The following MBNL1 variants were observed in gnomAD, a reference collection of about 807,000 sequenced individuals.
The protein encoded by MBNL1 is muscleblind like splicing regulator 1.
In MBNL1, 8 loss-of-function variants were observed where a neutral mutation model predicts 42.2. The observed-to-expected ratio is 0.19, with a 90% CI of 0.11 to 0.34. MBNL1 has a LOEUF of 0.34. Among genes scored for constraint, MBNL1 ranks in the 10% least tolerant of loss-of-function variants. The pLI, the probability that MBNL1 is intolerant of heterozygous loss-of-function variation, is 1.00. For synonymous variants in MBNL1, 169 were observed against 173.9 expected (o/e 0.97, Z 0.22); for missense variants, 309 against 495.3 (o/e 0.62, Z 3.57).
chr3:152,358,109 T>G (rs1431334950), intron 2 of MBNL1, among the ~76,000 whole-genome samples: 1 of 152,188 alleles, frequency 6.6e-6, no homozygotes, highest in Non-Finnish European at 1.5e-5. Context: ...TTAATTTTAG[T>G]CTTCTAAATT....
At chr3:152,280,166 A>C (rs1011459221) in intron 1 of MBNL1, among the ~76,000 whole-genome samples, 3 of 152,146 alleles carry the variant, frequency 2.0e-5, no homozygotes, top group Admixed American at 2.0e-4. Context: ...AAAAGAGGTA[A>C]GATGTGCCTG....
At position 152,299,739 on chromosome 3, in the gene MBNL1, A is replaced by G. The variant is rs546221446; in HGVS notation, c.-455A>G. ...TGCCAAACTAATCAATACCGATTGCACCACCAAACTCCATTGCAAATTCAG... is the reference window on the plus strand; with the variant it reads ...TGCCAAACTAATCAATACCGATTGCGCCACCAAACTCCATTGCAAATTCAG... On this transcript the variant is annotated 5_prime_UTR_variant, in exon 2 of 10. Coordinates refer to ENST00000324210, the MANE Select transcript of MBNL1 (RefSeq NM_021038.5). 2.8e-5 allele frequency: 11 copies of G among 399,768 alleles called. No individual in the cohort carries two copies. Among genetic ancestry groups the G allele is most frequent in the Admixed American group, 4.4e-5 (1 of 22,820 alleles). 24.8% of individuals were successfully genotyped at this position (399,768 alleles called of 1,614,324 possible).
chr3:152,287,573 G>T (rs1006054793), intron 1 of MBNL1, among the ~76,000 whole-genome samples: 2 of 152,248 alleles, frequency 1.3e-5, no homozygotes, highest in African/African-American at 4.8e-5. Context: ...TCCTCAGTAG[G>T]TCTAGGGTAG....
chr3:152,262,394 T>G (rs1438842552), intron 2 of MBNL1, among the ~76,000 whole-genome samples: 2 of 152,018 alleles, frequency 1.3e-5, no homozygotes, highest in Non-Finnish European at 2.9e-5. Context: ...GAAACTCAGA[T>G]AGGCAAGAAG....
At chr3:152,247,512 T>C (rs1576764115) in intron 2 of MBNL1, among the ~76,000 whole-genome samples, 2 of 152,084 alleles carry the variant, frequency 1.3e-5, no homozygotes, top group East Asian at 3.9e-4. Flanking sequence ...TTCTGAATAC[T>C]TCCATTTAAA....
intron 2 of MBNL1, among the ~76,000 whole-genome samples, chr3:152,316,136 G>A (rs549751608): frequency 2.6e-5 from 4 of 152,268 alleles, no homozygotes; most frequent in African/African-American, 9.6e-5. Context: ...CAGGGCTTTT[G>A]ATCTGTAACC....
rs898468573 is a variant in MBNL1, at chr3:152,285,299, T to C, written c.-789-14106T>C. Among the ~76,000 whole-genome samples, 3 of 152,348 alleles carry C rather than the reference T, an allele frequency of 2.0e-5. No individual in the cohort carries two copies. In the South Asian group the frequency reaches 6.2e-4, roughly 32 times the overall value. On this transcript the variant is annotated intron_variant, in intron 1 of 9. Transcript: ENST00000324210. The stretch of plus-strand genomic sequence containing the variant: ...CAAGTTTGGTATTAAATTGCTAGCA[T>C]GTATCGTGTATCGTGAATGAAGTTT...
intron 1 of MBNL1, among the ~76,000 whole-genome samples, chr3:152,284,692 A>G (rs879863989): frequency 2.6e-5 from 4 of 152,102 alleles, no homozygotes; most frequent in Non-Finnish European, 5.9e-5. Flanking sequence ...TTAGCAGTTT[A>G]TCTAGATCAG....
chr3:152,386,186 G>A (rs2097411511), intron 2 of MBNL1, among the ~76,000 whole-genome samples: 1 of 151,952 alleles, frequency 6.6e-6, no homozygotes, highest in Non-Finnish European at 1.5e-5. Flanking sequence ...ATACAGTGAA[G>A]TGATATATTA....
At chr3:152,345,588 A>G (rs1008598051) in intron 2 of MBNL1, among the ~76,000 whole-genome samples, 1 of 152,138 alleles carries the variant, frequency 6.6e-6, no homozygotes, top group African/African-American at 2.4e-5. Flanking sequence ...TACTGTTTTT[A>G]TTTAGAGAGA....
intron 1 of MBNL1, among the ~76,000 whole-genome samples, chr3:152,285,129 G>A (rs759877284): frequency 2.0e-5 from 3 of 152,074 alleles, no homozygotes; most frequent in Non-Finnish European, 4.4e-5. Context: ...ATATTCAGGG[G>A]TTTCTCCTTC....
intron 2 of MBNL1, among the ~76,000 whole-genome samples, chr3:152,332,739 T>TGA: frequency 8.6e-6 from 1 of 115,702 alleles, no homozygotes; most frequent in Admixed American, 8.0e-5. Context: ...TGTGTGTGTG[T>TGA]GCGCGCGCGC....
At chr3:152,277,969 T>A (rs1216890028) in intron 1 of MBNL1, among the ~76,000 whole-genome samples, 1 of 152,128 alleles carries the variant, frequency 6.6e-6, no homozygotes, top group Non-Finnish European at 1.5e-5. Context: ...TTGCCTTTGT[T>A]AGTATTATGT....
chr3:152,386,128 G>A (rs1485609870), intron 2 of MBNL1, among the ~76,000 whole-genome samples: 7 of 151,882 alleles, frequency 4.6e-5, no homozygotes, highest in African/African-American at 7.2e-5. Flanking sequence ...TAAATCTAGA[G>A]TACTTTGGGG....
chr3:152,250,792 C>G (rs2034394193), intron 2 of MBNL1, among the ~76,000 whole-genome samples: 1 of 151,718 alleles, frequency 6.6e-6, no homozygotes. Flanking sequence ...GAGATACGTC[C>G]CATCAATACC....
chr3:152,329,479 AG>A (rs1363151158), intron 2 of MBNL1, among the ~76,000 whole-genome samples: 1 of 149,804 alleles, frequency 6.7e-6, no homozygotes, highest in Non-Finnish European at 1.5e-5. Context: ...AGAAAAGAAA[AG>A]GAAAAGAAAA....
chr3:152,346,491 A>T (rs1267000057), intron 2 of MBNL1, among the ~76,000 whole-genome samples: 1 of 152,118 alleles, frequency 6.6e-6, no homozygotes, highest in East Asian at 1.9e-4. Flanking sequence ...TATGAGAATT[A>T]AGTTATTATC....
At chr3:152,454,918 T>C (rs1730627936) in intron 6 of MBNL1, among the ~76,000 whole-genome samples, 1 of 152,206 alleles carries the variant, frequency 6.6e-6, no homozygotes, top group Non-Finnish European at 1.5e-5. Context: ...TTCACTTTTT[T>C]ATGTATAATT....
rs114588157 is a variant in MBNL1 at position 152,378,828 on chromosome 3, T to C, written c.175-36113T>C. 2.8e-3 allele frequency among the ~76,000 whole-genome samples: 422 copies of C among 152,286 alleles called. 2 individuals are homozygous for C. Among genetic ancestry groups the C allele is most frequent in the African/African-American group, 9.9e-3 (411 of 41,568 alleles). On this transcript the variant is annotated intron_variant, in intron 2 of 9. Transcript: ENST00000324210. The stretch of plus-strand genomic sequence containing the variant: ...ACCCATCAGGCTCAAGCAAACCTCC[T>C]ATCTCAGGCTCTCAAGTACCTGCAA...
Sources: gnomAD v4.1 joint callset for allele counts (sites outside exome capture counted in the v4.1 genomes callset) on GRCh38, gnomAD v4.1.1 for gene constraint, MANE v1.5 for transcripts, NCBI Gene and HGNC (gene_info 2026-07-23, HGNC 2026-07-21) for gene names.